The following PCDHGC5 variants were observed in gnomAD, a reference collection of about 807,000 sequenced individuals.
PCDHGC5 encodes protocadherin gamma subfamily C, 5.
PCDHGC5 carries 25 observed loss-of-function variants against 59.0 expected under a neutral mutation model. The observed-to-expected ratio is 0.42, with a 90% CI of 0.31 to 0.59. The LOEUF is 0.59. Among genes scored for constraint, PCDHGC5 ranks in the 20% least tolerant of loss-of-function variants. The probability of loss-of-function intolerance (pLI) is 0.13; values close to 1 mark genes in which losing one functional copy is unlikely to be tolerated. For missense variants in PCDHGC5, 1,067 were observed against 1,206.4 expected (o/e 0.88, Z 1.71); for synonymous variants, 434 against 505.5 (o/e 0.86, Z 1.90).
chr5:141,502,062 A>G (rs530211521), intron 2 of PCDHGC5, among the ~76,000 whole-genome samples: 2 of 152,146 alleles, frequency 1.3e-5, no homozygotes, highest in South Asian at 4.2e-4. Flanking sequence ...TATTCCCATT[A>G]GCCCCCTTCA....
intron 2 of PCDHGC5, among the ~76,000 whole-genome samples, chr5:141,501,109 C>T (rs909874167): frequency 2.0e-5 from 3 of 152,106 alleles, no homozygotes; most frequent in South Asian, 2.1e-4. Context: ...CCTCGTGATC[C>T]GCCTGCCTCA....
chr5:141,496,980 G>T (rs186715298), intron 2 of PCDHGC5, among the ~76,000 whole-genome samples: 1 of 151,974 alleles, frequency 6.6e-6, no homozygotes, highest in Admixed American at 6.6e-5. Flanking sequence ...GAGGTCAGGG[G>T]TTTGAGACCA....
chr5:141,504,755 T>A (rs953075905), intron 2 of PCDHGC5, among the ~76,000 whole-genome samples: 13 of 151,824 alleles, frequency 8.6e-5, no homozygotes, highest in Non-Finnish European at 1.5e-5. Flanking sequence ...ATTTTAGAAA[T>A]TTCTTCTCCC....
intron 1 of PCDHGC5, 144 bp from the exon 2 acceptor site, chr5:141,494,663 G>A: frequency 6.7e-7 from 1 of 1,499,356 alleles, no homozygotes; most frequent in Non-Finnish European, 9.0e-7. Flanking sequence ...TGTCTTTGGA[G>A]ATGAGTCCAC....
chr5:141,499,322 T>C (rs1186220818), intron 2 of PCDHGC5, among the ~76,000 whole-genome samples: 1 of 152,218 alleles, frequency 6.6e-6, no homozygotes, highest in Non-Finnish European at 1.5e-5. Context: ...ACAGTATCCC[T>C]GCTCTCTCTC....
At position 141,489,474 on chromosome 5, in the gene PCDHGC5, C is replaced by T. The variant is rs772297075; in HGVS notation, c.234C>T (p.Ser78=). Residue 78 remains serine (S), a synonymous_variant, in exon 1 of 4, where the codon AGC becomes AGT. Transcript: ENST00000252087. The surrounding 1 kb of genome is among the most constrained non-coding windows in gnomAD (Gnocchi z 4.5). ...AGAATGGGCGCTATTTTTCCCTGAG[C>T]TTGATGAGTGGTGCCCTGGCAGTGA... ...SEENGRYFSL[S]LMSGALAVNQ... 6.2e-7 allele frequency: 1 copy of T among 1,614,108 alleles called. No individual in the cohort carries two copies. The highest frequency in any genetic ancestry group is 8.5e-7 in the Non-Finnish European group (1 of 1,180,034).
At chr5:141,500,475 C>T (rs1193752670) in intron 2 of PCDHGC5, among the ~76,000 whole-genome samples, 1 of 152,024 alleles carries the variant, frequency 6.6e-6, no homozygotes, top group African/African-American at 2.4e-5. Flanking sequence ...TCCCAAAGTG[C>T]TGGGATTACA....
intron 2 of PCDHGC5, among the ~76,000 whole-genome samples, chr5:141,496,753 A>G (rs2099771084): frequency 6.6e-6 from 1 of 152,166 alleles, no homozygotes; most frequent in Admixed American, 6.5e-5. Flanking sequence ...TTCAACAAAT[A>G]TTTATCGAGC....
Position 141,489,764 on chromosome 5 carries a change from A to G in PCDHGC5, c.524A>G (p.Asn175Ser). ...GTGAGCTTTTACACTCTAAGCCCCA[A>G]CAGCCACTTCTCTCTGAATGTGAAG... is the stretch of plus-strand genomic sequence containing the variant. ...NTVSFYTLSPNSHFSLNVKTL... is the reference protein window; with the variant it reads ...NTVSFYTLSPSSHFSLNVKTL... The change falls in exon 1 of 4, where the codon AAC becomes AGC. Residue 175 changes from asparagine to serine, a missense_variant. Transcript: ENST00000252087. The surrounding 1 kb of genome is among the most constrained non-coding windows in gnomAD (Gnocchi z 4.5). 2 of 1,613,556 alleles carry G rather than the reference A, an allele frequency of 1.2e-6. No homozygotes were observed. The highest frequency in any genetic ancestry group is 1.7e-6 in the Non-Finnish European group (2 of 1,179,894).
chr5:141,502,864 G>T (rs1595824348), intron 2 of PCDHGC5, among the ~76,000 whole-genome samples: 4 of 61,548 alleles, frequency 6.5e-5, no homozygotes, highest in African/African-American at 2.4e-4. Flanking sequence ...CTGACTCTCT[G>T]TCTTTTTTTT....
chr5:141,489,205 G>A lies in PCDHGC5; in HGVS notation c.-36G>A. 2.1e-6 allele frequency: 3 copies of A among 1,438,682 alleles called. No homozygotes were observed. Among genetic ancestry groups the A allele is most frequent in the Non-Finnish European group, 1.9e-6 (2 of 1,060,944 alleles). 89.1% of individuals were successfully genotyped at this position (1,438,682 alleles called of 1,614,324 possible). On this transcript the variant is annotated 5_prime_UTR_variant, in exon 1 of 4. Coordinates refer to ENST00000252087, the MANE Select transcript of PCDHGC5 (RefSeq NM_018929.3). The surrounding 1 kb of genome is among the most constrained non-coding windows in gnomAD (Gnocchi z 4.5). ...CTGGGTCTACCTTGGAGACAGGACA[G>A]CACAGACTTACTCTCCACAAAGGGA...
In PCDHGC5 at chr5:141,505,352, C is replaced by T. The variant is rs371829394; in HGVS notation, c.2520-41C>T. 1.5e-5 allele frequency: 25 copies of T among 1,613,302 alleles called. No individual in the cohort carries two copies. In the South Asian group the frequency reaches 2.7e-4, roughly 18 times the overall value. ...AGGACAGGAGGGGCATGAGCTGTGCCGGCCTGGGAGTCTGTGCTCACCATC... is the reference window on the plus strand; with the variant it reads ...AGGACAGGAGGGGCATGAGCTGTGCTGGCCTGGGAGTCTGTGCTCACCATC... On this transcript the variant is annotated intron_variant, in intron 2 of 3. Transcript: ENST00000252087.
At chr5:141,498,194 T>C (rs1014641829) in intron 2 of PCDHGC5, among the ~76,000 whole-genome samples, 16 of 152,254 alleles carry the variant, frequency 1.1e-4, no homozygotes, top group African/African-American at 3.6e-4. Context: ...ATTAACCAGC[T>C]AAAGAAAAGA....
At chr5:141,498,467 G>C (rs535351060) in intron 2 of PCDHGC5, among the ~76,000 whole-genome samples, 1 of 152,116 alleles carries the variant, frequency 6.6e-6, no homozygotes, top group East Asian at 1.9e-4. Context: ...GTCTAACCCT[G>C]GTTCCAGCCT....
chr5:141,489,571 G>A lies in PCDHGC5; in HGVS notation c.331G>A (p.Glu111Lys), dbSNP rs1206848223. The A allele has an allele frequency of 1.9e-6, 3 of 1,613,884 alleles. No individual in the cohort carries two copies. The highest frequency in any genetic ancestry group is 2.2e-5 in the South Asian group (2 of 91,070). The change falls in exon 1 of 4, where the codon GAA becomes AAA. Residue 111 changes from glutamate to lysine, a missense_variant. Transcript: ENST00000252087. The surrounding 1 kb of genome is among the most constrained non-coding windows in gnomAD (Gnocchi z 4.5). ...CCTGCTGCCAGTGCAGGTGGTGACT[G>A]AACACCCCCTGGAGCTAATCCGTGT... ...SCLLPVQVVT[E>K]HPLELIRVEV...
At chr5:141,508,859 G>C (rs1268915304) in intron 3 of PCDHGC5, among the ~76,000 whole-genome samples, 1 of 152,086 alleles carries the variant, frequency 6.6e-6, no homozygotes, top group Non-Finnish European at 1.5e-5. Flanking sequence ...CCCAGGCTGG[G>C]AAAGGCTGAA....
At chr5:141,502,234 C>T (rs1482411915) in intron 2 of PCDHGC5, among the ~76,000 whole-genome samples, 1 of 152,108 alleles carries the variant, frequency 6.6e-6, no homozygotes, top group Non-Finnish European at 1.5e-5. Flanking sequence ...TCTGTGTGTT[C>T]TTTTATCCTT....
chr5:141,489,111 C>G lies in PCDHGC5; in HGVS notation c.-130C>G. 1.9e-6 allele frequency: 1 copy of G among 518,042 alleles called. No individual in the cohort carries two copies. Among genetic ancestry groups the G allele is most frequent in the Non-Finnish European group, 3.2e-6 (1 of 308,182 alleles). The allele number at this position is 518,042 out of a possible 1,614,324, so 32.1% of individuals were successfully genotyped here. The stretch of plus-strand genomic sequence containing the variant: ...GTGACTAAGAACTGCTGCAAGCAGG[C>G]AAACCTCCGAGCAGTTTTTAAGAGG... On this transcript the variant is annotated 5_prime_UTR_variant, in exon 1 of 4. Coordinates refer to ENST00000252087, the MANE Select transcript of PCDHGC5 (RefSeq NM_018929.3). This position sits in a 1 kb window ranked among gnomAD's most constrained non-coding sequence, Gnocchi z 4.5.
chr5:141,497,832 G>C (rs1326640712), intron 2 of PCDHGC5, among the ~76,000 whole-genome samples: 1 of 151,992 alleles, frequency 6.6e-6, no homozygotes, highest in East Asian at 1.9e-4. Context: ...GATCGCCCCC[G>C]GCCACAACAA....
Sources: gnomAD v4.1 joint callset for allele counts (sites outside exome capture counted in the v4.1 genomes callset) on GRCh38, gnomAD v4.1.1 for gene constraint, Gnocchi (gnomAD v3.1) non-coding constraint, MANE v1.5 for transcripts, NCBI Gene and HGNC (gene_info 2026-07-23, HGNC 2026-07-21) for gene names.